CNTLN: variants seen among roughly 807,000 people sequenced by gnomAD.
CNTLN encodes centlein.
In CNTLN, 212 loss-of-function variants were observed where a neutral mutation model predicts 180.0. The observed-to-expected ratio is 1.18, with a 90% CI of 1.05 to 1.32. The LOEUF (loss-of-function observed/expected upper bound fraction) is 1.32. Among genes scored for constraint, CNTLN ranks in the 40% most tolerant of loss-of-function variants. CNTLN has a pLI of 0.00. For missense variants in CNTLN, 2,095 were observed against 1,610.9 expected (o/e 1.30, Z -5.14); for synonymous variants, 722 against 563.1 (o/e 1.28, Z -3.99).
At chr9:17,257,003 T>G (rs1826545272) in intron 5 of CNTLN, among the ~76,000 whole-genome samples, 1 of 152,016 alleles carries the variant, frequency 6.6e-6, no homozygotes, top group South Asian at 2.1e-4. Flanking sequence ...TACTTTAAGT[T>G]TTAGGGTACA....
At chr9:17,517,274 C>A in the CNTLN span, among the ~76,000 whole-genome samples, 1 of 151,804 alleles carries the variant, frequency 6.6e-6, no homozygotes, top group Non-Finnish European at 1.5e-5. Context: ...CGCCTGTAGT[C>A]CCAACTACTG....
chr9:17,335,857 G>A (rs546156594), intron 10 of CNTLN, among the ~76,000 whole-genome samples: 13 of 148,370 alleles, frequency 8.8e-5, no homozygotes, highest in African/African-American at 2.5e-4. Flanking sequence ...GATGAGAATC[G>A]CTTGAACCCA....
Position 17,406,867 on chromosome 9 carries a change from C to T in CNTLN, c.2616-2426C>T, listed in dbSNP as rs193297783. Among the ~76,000 whole-genome samples the T allele has an allele frequency of 1.6e-4, 25 of 151,752 alleles. No individual in the cohort carries two copies. The East Asian group carries it at 4.2e-3, about 26-fold the overall frequency. ...GTCTCCCTCCTTCTGCCCCTGCCCA[C>T]CCCCCACCAAGGGCTCTCCAATCAA... On this transcript the variant is annotated intron_variant, in intron 15 of 25. Coordinates refer to ENST00000380647, the MANE Select transcript of CNTLN (RefSeq NM_017738.4).
At position 17,269,199 on chromosome 9, in the gene CNTLN, AAT is replaced by A. The variant is rs542581072; in HGVS notation, c.850-4531_850-4530del. On this transcript the variant is annotated intron_variant, in intron 5 of 25. Transcript: ENST00000380647. The stretch of plus-strand genomic sequence containing the variant: ...TTGGCTCCATCTGTATCAATTTTTA[AAT>A]ATCTCTTCCAAATCCAACTCTTATT... Among the ~76,000 whole-genome samples, 5 of 151,938 alleles carry A rather than the reference AAT, an allele frequency of 3.3e-5. No individual in the cohort carries two copies. In the South Asian group the frequency reaches 1.0e-3, roughly 32 times the overall value.
chr9:17,228,612 C>G (rs1824622801), intron 3 of CNTLN, among the ~76,000 whole-genome samples: 1 of 152,048 alleles, frequency 6.6e-6, no homozygotes, highest in Non-Finnish European at 1.5e-5. Context: ...TTCTCCTACA[C>G]TACTTTGTTT....
intron 2 of CNTLN, among the ~76,000 whole-genome samples, chr9:17,179,041 G>A (rs1367879847): frequency 6.8e-6 from 1 of 146,284 alleles, no homozygotes; most frequent in Non-Finnish European, 1.5e-5. Context: ...TCAGGAGATC[G>A]AGACCATCCC....
chr9:17,269,726 T>A (rs1026220917), intron 5 of CNTLN, among the ~76,000 whole-genome samples: 2 of 152,166 alleles, frequency 1.3e-5, no homozygotes, highest in African/African-American at 4.8e-5. Flanking sequence ...GAATGTATAT[T>A]CTGTTGTTGT....
At chr9:17,187,328 A>G (rs2131776330) in intron 2 of CNTLN, among the ~76,000 whole-genome samples, 1 of 152,172 alleles carries the variant, frequency 6.6e-6, no homozygotes, top group East Asian at 1.9e-4. Flanking sequence ...GGCTGCCAAT[A>G]TTCCTTCTAC....
intron 8 of CNTLN, among the ~76,000 whole-genome samples, chr9:17,318,017 T>G (rs1013909934): frequency 6.6e-6 from 1 of 151,496 alleles, no homozygotes; most frequent in African/African-American, 2.4e-5. Context: ...ACTGAATTTT[T>G]TTTTTCTTTT....
intron 5 of CNTLN, among the ~76,000 whole-genome samples, chr9:17,250,694 A>C (rs1352387363): frequency 6.6e-6 from 1 of 152,066 alleles, no homozygotes; most frequent in East Asian, 1.9e-4. Context: ...TTAATGTGTA[A>C]AAAGTTTATA....
rs1266372427 is a variant in CNTLN, at chr9:17,388,703, ACGTGAC to A, written c.2079+451_2079+456del. On this transcript the variant is annotated intron_variant, in intron 14 of 25. Transcript: ENST00000380647. Reference sequence around the variant, plus strand: ...GTTTTAATGTTAAACATGAAAATATACGTGACTCTTCTCATTTTAGATAAAAATTTA... The same window carrying A: ...GTTTTAATGTTAAACATGAAAATATATCTTCTCATTTTAGATAAAAATTTA... 1.2e-4 allele frequency among the ~76,000 whole-genome samples: 19 copies of A among 152,042 alleles called. No homozygotes were observed. In the East Asian group the frequency reaches 3.7e-3, roughly 29 times the overall value.
chr9:17,299,324 A>G, intron 7 of CNTLN: 1 of 268,038 alleles, frequency 3.7e-6, no homozygotes, highest in Non-Finnish European at 5.7e-6. Context: ...TTAATAAATA[A>G]TGTAGTTTAT....
chr9:17,517,850 C>G, the CNTLN span, among the ~76,000 whole-genome samples: 1 of 152,000 alleles, frequency 6.6e-6, no homozygotes, highest in African/African-American at 2.4e-5. Flanking sequence ...GTGGGGAGAA[C>G]TAGGCTTTCA....
chr9:17,369,671 G>A (rs147179864), intron 13 of CNTLN, among the ~76,000 whole-genome samples: 1 of 151,542 alleles, frequency 6.6e-6, no homozygotes, highest in African/African-American at 2.4e-5. Context: ...GAATTAGTGA[G>A]CTTGAAGACA....
rs375009900 is a variant in CNTLN at position 17,137,618 on chromosome 9, T to A, written c.360+2193T>A. ...ATTCCTTTAAAAAATGCTGTCCAGA[T>A]CTAAATTAATTTCAGAACCCAACAA... On this transcript the variant is annotated intron_variant, in intron 1 of 25. Coordinates refer to ENST00000380647, the MANE Select transcript of CNTLN (RefSeq NM_017738.4). Among the ~76,000 whole-genome samples, 319 of 152,328 alleles carry A rather than the reference T, an allele frequency of 2.1e-3. 4 individuals carry two copies. The South Asian group carries it at 0.034, about 16-fold the overall frequency.
At chr9:17,194,156 A>G (rs2131828677) in intron 2 of CNTLN, among the ~76,000 whole-genome samples, 1 of 151,766 alleles carries the variant, frequency 6.6e-6, no homozygotes, top group Non-Finnish European at 1.5e-5. Context: ...GCTGCTGTGA[A>G]AACCTCTGAC....
In CNTLN at chr9:17,366,704, A is replaced by G. The variant is rs1254450609; in HGVS notation, c.1974A>G (p.Ala658=). 2 of 1,559,644 alleles carry G rather than the reference A, an allele frequency of 1.3e-6. No individual in the cohort carries two copies. The highest frequency in any genetic ancestry group is 2.3e-5 in the East Asian group (1 of 43,446). Residue 658 remains alanine (A), a synonymous_variant, in exon 13 of 26, where the codon GCA becomes GCG. Coordinates refer to ENST00000380647, the MANE Select transcript of CNTLN (RefSeq NM_017738.4). The part of the protein sequence containing the change: ...AAIQELNRCV[A]ERREEQLFRS... ...TACAAGAATTGAATAGATGTGTGGCAGAGAGAAGAGAAGGTAAATTTTCAG... is the reference window on the plus strand; with the variant it reads ...TACAAGAATTGAATAGATGTGTGGCGGAGAGAAGAGAAGGTAAATTTTCAG...
At chr9:17,465,851 G>A in intron 21 of CNTLN, 130 bp from the exon 22 acceptor site, 1 of 680,114 alleles carries the variant, frequency 1.5e-6, no homozygotes, top group Non-Finnish European at 2.4e-6. Flanking sequence ...TATAATACTT[G>A]AATTTGATAG....
rs866019640 is a variant in CNTLN, at chr9:17,309,180, AG to A, written c.1270del (p.Glu424LysfsTer34). 102 of 1,610,380 alleles carry A rather than the reference AG, an allele frequency of 6.3e-5. No homozygotes were observed. The highest frequency in any genetic ancestry group is 8.0e-5 in the African/African-American group (6 of 74,852). ...QKEQENAKLK[E>X]KLQESQGAPL... ...AAGAGCAAGAAAATGCTAAGTTAAAAGAAAAACTTCAGGAATCACAGGGAGC... is the reference window on the plus strand; with the variant it reads ...AAGAGCAAGAAAATGCTAAGTTAAAAAAAAACTTCAGGAATCACAGGGAGC... On this transcript the variant is annotated frameshift_variant, in exon 8 of 26. Coordinates refer to ENST00000380647, the MANE Select transcript of CNTLN (RefSeq NM_017738.4). LOFTEE classifies it high-confidence loss of function.
Sources: allele counts gnomAD v4.1 joint callset (sites outside exome capture counted in the v4.1 genomes callset), GRCh38; gene constraint gnomAD v4.1.1; transcripts MANE v1.5; gene names NCBI Gene and HGNC (gene_info 2026-07-23, HGNC 2026-07-21).